The following SLC25A13 variants were observed in gnomAD, a reference collection of about 807,000 sequenced individuals.
The protein encoded by SLC25A13 is solute carrier family 25 member 13, also known as electrogenic aspartate/glutamate antiporter SLC25A13, mitochondrial.
SLC25A13 carries 70 observed loss-of-function variants against 85.5 expected under a neutral mutation model. That is an observed-to-expected ratio of 0.82 (90% confidence interval 0.68 to 1.00). The LOEUF is 1.00. Among genes scored for constraint, SLC25A13 ranks in the 50% least tolerant of loss-of-function variants. The pLI is 0.00. For missense variants in SLC25A13, 765 were observed against 819.8 expected, an observed-to-expected ratio of 0.93 and a Z score of 0.82; for synonymous variants, 259 against 288.7, an observed-to-expected ratio of 0.90 and a Z score of 1.04.
At chr7:96,147,542 C>T (rs115331220) in intron 13 of SLC25A13, among the ~76,000 whole-genome samples, 3,686 of 152,288 alleles carry the variant, frequency 0.024, 144 homozygotes, top group African/African-American at 0.084. Context: ...TTATCACAAG[C>T]AATTACATTC....
rs115649567 is a variant in SLC25A13, at chr7:96,245,446, A to C, written c.213-10529T>G. 2.7e-3 allele frequency among the ~76,000 whole-genome samples: 411 copies of C among 152,312 alleles called. 1 individual carries two copies. Among genetic ancestry groups the C allele is most frequent in the African/African-American group, 9.6e-3 (398 of 41,576 alleles). ...AGGAAAAGAACCACTACAAGCCTACAAGCTTTTAAAACTAGAGACAAATCA... is the reference window on the plus strand; with the variant it reads ...AGGAAAAGAACCACTACAAGCCTACCAGCTTTTAAAACTAGAGACAAATCA... On this transcript the variant is annotated intron_variant, in intron 3 of 17. Transcript: ENST00000265631.
At chr7:96,141,015 CTTTCT>C (rs1326996897) in intron 14 of SLC25A13, among the ~76,000 whole-genome samples, 140 of 128,796 alleles carry the variant, frequency 1.1e-3, no homozygotes, top group African/African-American at 4.0e-3. Flanking sequence ...TTTCTTTTTT[CTTTCT>C]TTTTTTTTTT....
intron 2 of SLC25A13, among the ~76,000 whole-genome samples, chr7:96,291,215 C>T (rs4729251): frequency 0.98 from 149,706 of 152,272 alleles, 73,630 homozygotes; most frequent in Middle Eastern, 1. Flanking sequence ...GAAATAAAGA[C>T]GTTCTTTGAA....
intron 13 of SLC25A13, among the ~76,000 whole-genome samples, chr7:96,155,596 C>T (rs1260965827): frequency 6.6e-6 from 1 of 152,130 alleles, no homozygotes; most frequent in Non-Finnish European, 1.5e-5. Flanking sequence ...TGTGATTTTC[C>T]AGCTACTAAG....
At chr7:96,204,313 G>C (rs1795375757) in intron 5 of SLC25A13, among the ~76,000 whole-genome samples, 1 of 152,078 alleles carries the variant, frequency 6.6e-6, no homozygotes, top group African/African-American at 2.4e-5. Flanking sequence ...ACAATAATTT[G>C]GTAGAAAAGT....
At chr7:96,253,992 A>C (rs527454634) in intron 3 of SLC25A13, among the ~76,000 whole-genome samples, 1 of 152,284 alleles carries the variant, frequency 6.6e-6, no homozygotes, top group Admixed American at 6.5e-5. Flanking sequence ...CGACTAAGAG[A>C]TAAAAGCAAC....
chr7:96,187,878 A>G (rs1240153186), intron 9 of SLC25A13, among the ~76,000 whole-genome samples: 1 of 152,162 alleles, frequency 6.6e-6, no homozygotes, highest in Non-Finnish European at 1.5e-5. Context: ...TAAAAAGCCT[A>G]TTCCAGGTAA....
chr7:96,207,934 C>T (rs188866630), intron 5 of SLC25A13, among the ~76,000 whole-genome samples: 101 of 152,226 alleles, frequency 6.6e-4, no homozygotes, highest in Middle Eastern at 3.4e-3. Context: ...TCCATGAGGG[C>T]CACCCAAGAA....
chr7:96,284,667 C>A (rs1798817117), intron 2 of SLC25A13, among the ~76,000 whole-genome samples: 1 of 152,182 alleles, frequency 6.6e-6, no homozygotes, highest in East Asian at 1.9e-4. Context: ...GTGGAGATAA[C>A]TGAATCATGG....
At chr7:96,175,013 G>A (rs1307447846) in intron 11 of SLC25A13, among the ~76,000 whole-genome samples, 2 of 152,186 alleles carry the variant, frequency 1.3e-5, no homozygotes, top group African/African-American at 4.8e-5. Flanking sequence ...GAGGGAAAGG[G>A]AACGCTAGTT....
intron 5 of SLC25A13, among the ~76,000 whole-genome samples, chr7:96,196,270 T>C (rs545758375): frequency 3.9e-5 from 6 of 152,222 alleles, no homozygotes; most frequent in Non-Finnish European, 7.3e-5. Context: ...ACCAGACCCA[T>C]TGCTAAAGCT....
chr7:96,220,909 G>A (rs1796103088), intron 4 of SLC25A13, among the ~76,000 whole-genome samples: 1 of 152,202 alleles, frequency 6.6e-6, no homozygotes, highest in Admixed American at 6.5e-5. Context: ...TAACTAAGGA[G>A]TGGCTTCACA....
intron 2 of SLC25A13, among the ~76,000 whole-genome samples, chr7:96,285,960 C>T (rs1798868411): frequency 6.6e-6 from 1 of 152,164 alleles, no homozygotes; most frequent in African/African-American, 2.4e-5. Context: ...CATTACCTGA[C>T]ACTTGCCACA....
At chr7:96,250,282 T>A (rs927961012) in intron 3 of SLC25A13, among the ~76,000 whole-genome samples, 1 of 152,214 alleles carries the variant, frequency 6.6e-6, no homozygotes, top group South Asian at 2.1e-4. Flanking sequence ...TTCAGCTAAA[T>A]CCTTAGGGGC....
At chr7:96,229,682 G>A (rs1443865587) in intron 4 of SLC25A13, among the ~76,000 whole-genome samples, 1 of 151,584 alleles carries the variant, frequency 6.6e-6, no homozygotes, top group Non-Finnish European at 1.5e-5. Flanking sequence ...CTGGACGGGA[G>A]GAATGAACAA....
At chr7:96,141,008 CTTTTTTCTTTCT>C (rs1411284124) in intron 14 of SLC25A13, among the ~76,000 whole-genome samples, 7 of 142,868 alleles carry the variant, frequency 4.9e-5, no homozygotes, top group African/African-American at 1.8e-4. Context: ...GCATTCCTTT[CTTTTTTCTTTCT>C]TTTTTTTTTT....
chr7:96,154,583 C>T (rs1440959467), intron 13 of SLC25A13, among the ~76,000 whole-genome samples: 1 of 152,152 alleles, frequency 6.6e-6, no homozygotes, highest in Non-Finnish European at 1.5e-5. Flanking sequence ...AGGCGTGAGC[C>T]ACTGCATCCG....
At position 96,268,040 on chromosome 7, in the gene SLC25A13, G is replaced by A. The variant is rs532688818; in HGVS notation, c.212+9156C>T. Among the ~76,000 whole-genome samples the A allele has an allele frequency of 1.1e-4, 16 of 152,228 alleles. No individual in the cohort carries two copies. In the East Asian group the frequency reaches 1.7e-3, roughly 17 times the overall value. ...GTAAATTCCTTTGTGACCCTAGCAA[G>A]CCAACTGGATCCCTGAGCCACCCGG... On this transcript the variant is annotated intron_variant, in intron 3 of 17. Transcript: ENST00000265631.
intron 3 of SLC25A13, among the ~76,000 whole-genome samples, chr7:96,275,880 G>A (rs1054573119): frequency 1.3e-5 from 2 of 152,024 alleles, no homozygotes; most frequent in Non-Finnish European, 2.9e-5. Flanking sequence ...AAAACTTAAA[G>A]TATAATAAAA....
Sources: gnomAD v4.1 joint callset for allele counts (sites outside exome capture counted in the v4.1 genomes callset) on GRCh38, gnomAD v4.1.1 for gene constraint, MANE v1.5 for transcripts, NCBI Gene and HGNC (gene_info 2026-07-23, HGNC 2026-07-21) for gene names.